The following PTPRN variants were observed in gnomAD, a reference collection of about 807,000 sequenced individuals.
PTPRN encodes protein tyrosine phosphatase receptor type N.
A neutral mutation model predicts 108.5 loss-of-function variants in PTPRN; 70 were observed. The observed-to-expected ratio is 0.65, with a 90% CI of 0.53 to 0.79. The LOEUF is 0.79. PTPRN is among the 30% of genes least tolerant of loss of function. The pLI, the probability that PTPRN is intolerant of heterozygous loss-of-function variation, is 0.00. For missense variants in PTPRN, 1,136 were observed against 1,295.5 expected (o/e 0.88, Z 1.89); for synonymous variants, 496 against 524.6 (o/e 0.95, Z 0.75).
Position 219,290,656 on chromosome 2 carries a change from G to A in PTPRN, c.2795-45C>T. The A allele has an allele frequency of 6.6e-7, 1 of 1,526,588 alleles. No homozygotes were observed. The highest frequency in any genetic ancestry group is 8.9e-7 in the Non-Finnish European group (1 of 1,123,546). The allele number at this position is 1,526,588 out of a possible 1,614,324, so 94.6% of individuals were successfully genotyped here. ...TGGGGCTGCTCAGGGGGTGTCCAGA[G>A]GAGGACAGGACCCAGAAAACCTGAG... is the stretch of plus-strand genomic sequence containing the variant. On this transcript the variant is annotated intron_variant, in intron 21 of 22. Transcript: ENST00000295718. This position sits in a 1 kb window ranked among gnomAD's most constrained non-coding sequence, Gnocchi z 4.2.
At chr2:219,308,002 A>G (rs1365216229) in intron 1 of PTPRN, 160 bp from the exon 2 acceptor site, 1 of 666,900 alleles carries the variant, frequency 1.5e-6, no homozygotes, top group African/African-American at 1.8e-5. Context: ...TGAATTTCTT[A>G]AAAGGAAGCA....
chr2:219,298,069 G>A lies in PTPRN; in HGVS notation c.1703C>T (p.Ala568Val), dbSNP rs759978232. ...TGAGCGCATGGGTGAGGTGCTGTGC[G>A]CAGTTTGGGGAAGGACTGCAGCTGC... ...EEAAAVLPQT[A>V]HSTSPMRSVL... is the part of the protein sequence containing the mutation. Residue 568 changes from alanine to valine, a missense_variant, in exon 13 of 23, where the codon GCG becomes GTG. Ala to Val is a moderately conservative substitution (Grantham distance 64). Transcript: ENST00000295718. The A allele has an allele frequency of 3.6e-5, 58 of 1,613,738 alleles. No individual in the cohort carries two copies. The highest frequency in any genetic ancestry group is 1.1e-5 in the Non-Finnish European group (13 of 1,179,982).
chr2:219,295,265 C>T, intron 18 of PTPRN, 124 bp from the exon 19 acceptor site: 1 of 1,087,380 alleles, frequency 9.2e-7, no homozygotes, highest in Middle Eastern at 3.0e-4. Flanking sequence ...GGTTCAAATT[C>T]TAAGTTCCAG....
chr2:219,295,275 GC>G, intron 18 of PTPRN, 134 bp from the exon 19 acceptor site: 1 of 936,372 alleles, frequency 1.1e-6, no homozygotes, highest in Non-Finnish European at 1.6e-6. Flanking sequence ...CTAAGTTCCA[GC>G]GGTCCCAGGA....
intron 6 of PTPRN, 68 bp downstream of exon 6, chr2:219,302,069 G>C: frequency 7.3e-7 from 1 of 1,364,372 alleles, no homozygotes; most frequent in Non-Finnish European, 9.9e-7. Context: ...AGATTGTCAG[G>C]GAAGGGCCCC....
chr2:219,299,090 T>C lies in PTPRN; in HGVS notation c.1625A>G (p.Glu542Gly). The change falls in exon 12 of 23, where the codon GAA (glutamate) becomes GGA (glycine). Residue 542 changes from glutamate (E) to glycine (G), a missense_variant. Glu to Gly is a moderately conservative substitution (Grantham distance 98). Coordinates refer to ENST00000295718, the MANE Select transcript of PTPRN (RefSeq NM_002846.4). ...QQAGLVKSEL[E>G]AQTGLQILQT... is the part of the protein sequence containing the mutation. ...CAAGATTTGGAGCCCTGTCTGTGCT[T>C]CCAGTTCAGACTTCACCAGCCCTGC... The C allele has an allele frequency of 6.2e-7, 1 of 1,614,252 alleles. No homozygotes were observed. Among genetic ancestry groups the C allele is most frequent in the East Asian group, 2.2e-5 (1 of 44,882 alleles).
intron 3 of PTPRN, among the ~76,000 whole-genome samples, chr2:219,305,673 C>T (rs778058052): frequency 6.6e-6 from 1 of 152,182 alleles, no homozygotes; most frequent in Non-Finnish European, 1.5e-5. Flanking sequence ...AAATTTATAT[C>T]TCCAGGTGAG....
chr2:219,299,806 G>A lies in PTPRN; in HGVS notation c.1437-20C>T. On this transcript the variant is annotated intron_variant, in intron 9 of 22. Transcript: ENST00000295718. Reference sequence around the variant, plus strand: ...AGGGGCCTGGAGATGGGAGAAGGCAGAGGAAGGAAAGTGGGGCAACCCTCT... The same window carrying A: ...AGGGGCCTGGAGATGGGAGAAGGCAAAGGAAGGAAAGTGGGGCAACCCTCT... The A allele has an allele frequency of 1.3e-6, 2 of 1,594,810 alleles. No individual in the cohort carries two copies. Among genetic ancestry groups the A allele is most frequent in the Non-Finnish European group, 1.7e-6 (2 of 1,168,452 alleles).
intron 19 of PTPRN, chr2:219,292,443 G>A (rs975388980): frequency 5.9e-5 from 9 of 152,226 alleles, no homozygotes; most frequent in African/African-American, 2.2e-4. Flanking sequence ...CTTCTTAGGG[G>A]TTGTCAGATT....
chr2:219,295,735 C>T (rs1318924396), intron 18 of PTPRN: 1 of 156,180 alleles, frequency 6.4e-6, no homozygotes, highest in Non-Finnish European at 1.4e-5. Context: ...GTTTGTTTCT[C>T]TTTTACATTA....
At position 219,290,777 on chromosome 2, in the gene PTPRN, C is replaced by A; in HGVS notation, c.2794+49G>T. The A allele has an allele frequency of 6.3e-7, 1 of 1,582,148 alleles. No homozygotes were observed. The highest frequency in any genetic ancestry group is 8.7e-7 in the Non-Finnish European group (1 of 1,151,140). On this transcript the variant is annotated intron_variant, in intron 21 of 22. Transcript: ENST00000295718. This position sits in a 1 kb window ranked among gnomAD's most constrained non-coding sequence, Gnocchi z 4.2. ...TCCCAGGACCCTGTGTGCTGGGGAG[C>A]CTCTAAAAAGGGCCTGGGGGCTGCG...
Position 219,290,232 on chromosome 2 carries a change from G to C in PTPRN, c.2934C>G (p.Pro978=). The change falls in exon 23 of 23, where the codon CCC becomes CCG. Residue 978 remains proline (P), a synonymous_variant. Transcript: ENST00000295718. This position sits in a 1 kb window ranked among gnomAD's most constrained non-coding sequence, Gnocchi z 4.2. ...EEVNAILKAL[P]Q ...GCCAAGGGGCCCCAGGGTCTCACTG[G>C]GGCAGGGCCTTGAGGATGGCATTCA... The C allele has an allele frequency of 6.2e-7, 1 of 1,614,028 alleles. No individual in the cohort carries two copies. Among genetic ancestry groups the C allele is most frequent in the South Asian group, 1.1e-5 (1 of 91,082 alleles).
At position 219,289,998 on chromosome 2, in the gene PTPRN, C is replaced by G; in HGVS notation, c.*228G>C. The G allele has an allele frequency of 5.3e-6, 3 of 570,552 alleles. No individual in the cohort carries two copies. Among genetic ancestry groups the G allele is most frequent in the East Asian group, 2.9e-5 (1 of 34,276 alleles). 35.3% of individuals were successfully genotyped at this position (570,552 alleles called of 1,614,324 possible). ...GCTACCCATGTCCTTTCCTCTCCTC[C>G]TGGCTGCAGCACCCCCATGGGATGC... On this transcript the variant is annotated 3_prime_UTR_variant, in exon 23 of 23. Transcript: ENST00000295718.
At position 219,295,158 on chromosome 2, in the gene PTPRN, C is replaced by G; in HGVS notation, c.2509-17G>C. ...CAGGTTCACCTGCCCGGCAGGGGCC[C>G]AGGCCTGAGCGCCGCGGGCTGCCCC... is the stretch of plus-strand genomic sequence containing the variant. On this transcript the variant is annotated splice_polypyrimidine_tract_variant and intron_variant, in intron 18 of 22. Transcript: ENST00000295718. 2.5e-6 allele frequency: 4 copies of G among 1,599,648 alleles called. No individual in the cohort carries two copies. Among genetic ancestry groups the G allele is most frequent in the Non-Finnish European group, 3.4e-6 (4 of 1,173,826 alleles).
At chr2:219,302,002 G>T (rs554669573) in intron 6 of PTPRN, 135 bp downstream of exon 6, 1 of 912,614 alleles carries the variant, frequency 1.1e-6, no homozygotes, top group African/African-American at 1.7e-5. Flanking sequence ...AGAACAGCTT[G>T]TCAGTAGACA....
At position 219,297,248 on chromosome 2, in the gene PTPRN, C is replaced by T. The variant is rs145338513; in HGVS notation, c.2073G>A (p.Thr691=). Residue 691 remains threonine, a synonymous_variant, in exon 14 of 23, where the codon ACG becomes ACA. Coordinates refer to ENST00000295718, the MANE Select transcript of PTPRN (RefSeq NM_002846.4). This position sits in a 1 kb window ranked among gnomAD's most constrained non-coding sequence, Gnocchi z 6.0. The part of the protein sequence containing the change: ...EPAQANMDIS[T]GHMILAYMED... ...CTGTCCTGACCAGAATCATGTGTCC[C>T]GTGGAGATGTCCATGTTGGCTTGGG... 2.3e-4 allele frequency: 366 copies of T among 1,613,876 alleles called. 1 individual carries two copies. The highest frequency in any genetic ancestry group is 6.6e-4 in the Middle Eastern group (4 of 6,084).
In PTPRN at chr2:219,297,787, C is replaced by T; in HGVS notation, c.1887+98G>A. 7.3e-7 allele frequency: 1 copy of T among 1,374,876 alleles called. No individual in the cohort carries two copies. The highest frequency in any genetic ancestry group is 9.9e-7 in the Non-Finnish European group (1 of 1,009,006). The allele number at this position is 1,374,876 out of a possible 1,614,324, so 85.2% of individuals were successfully genotyped here. A position where few individuals can be genotyped will look rare whatever the true frequency, so the allele number is the denominator to read the frequency against. ...CACTGGACCTTCCCAGGGATGAGGG[C>T]TCACTCCCCATTCAGTTCCGACCCT... On this transcript the variant is annotated intron_variant, in intron 13 of 22. Transcript: ENST00000295718. The surrounding 1 kb of genome is among the most constrained non-coding windows in gnomAD (Gnocchi z 6.0).
In PTPRN at chr2:219,290,056, G is replaced by T; in HGVS notation, c.*170C>A. The T allele has an allele frequency of 1.5e-6, 1 of 649,026 alleles. No homozygotes were observed. The highest frequency in any genetic ancestry group is 1.9e-5 in the South Asian group (1 of 52,498). The allele number at this position is 649,026 out of a possible 1,614,324, so 40.2% of individuals were successfully genotyped here. A position where few individuals can be genotyped will look rare whatever the true frequency, so the allele number is the denominator to read the frequency against. ...TCTGGGATGCCCCAGGCTCTGGCAT[G>T]CGAGGCTGGGCAGGCGTGCCCCTTC... On this transcript the variant is annotated 3_prime_UTR_variant, in exon 23 of 23. Transcript: ENST00000295718. The surrounding 1 kb of genome is among the most constrained non-coding windows in gnomAD (Gnocchi z 4.2).
chr2:219,300,099 G>A lies in PTPRN; in HGVS notation c.1322C>T (p.Thr441Ile). The A allele has an allele frequency of 1.9e-6, 3 of 1,614,188 alleles. No homozygotes were observed. Among genetic ancestry groups the A allele is most frequent in the African/African-American group, 1.3e-5 (1 of 75,074 alleles). The part of the protein sequence containing the change: ...EPPKAARPPV[T>I]PVLLEKKSPL... ...GCTTTTCTTCTCTAGCAGGACAGGT[G>A]TCACAGGGGGTCTGGCAGCTTTGGG... is the stretch of plus-strand genomic sequence containing the variant. Residue 441 changes from threonine to isoleucine, a missense_variant, in exon 9 of 23, where the codon ACA becomes ATA. Thr to Ile is a moderately conservative substitution (Grantham distance 89). Transcript: ENST00000295718.
Sources: allele counts gnomAD v4.1 joint callset (sites outside exome capture counted in the v4.1 genomes callset), GRCh38; gene constraint gnomAD v4.1.1; non-coding constraint Gnocchi (gnomAD v3.1); transcripts MANE v1.5; gene names NCBI Gene and HGNC (gene_info 2026-07-23, HGNC 2026-07-21).